Variants in AGBL4 observed in about 807,000 individuals in gnomAD.
AGBL4 encodes the protein AGBL carboxypeptidase 4.
In AGBL4, 58 loss-of-function variants were observed where a neutral mutation model predicts 66.4. That is an observed-to-expected ratio of 0.87 (90% CI 0.71 to 1.09). The LOEUF is 1.09. AGBL4 is among the 50% of genes least tolerant of loss of function. The pLI is 0.00. For synonymous variants in AGBL4, 234 were observed against 222.9 expected (o/e 1.05, Z -0.44); for missense variants, 579 against 631.0 (o/e 0.92, Z 0.88).
At position 48,959,922 on chromosome 1, in the gene AGBL4, T is replaced by C. The variant is rs142147319; in HGVS notation, c.594+85662A>G. ...AAGACTTTCATGTTGTTTGTTTGTTTGGATGAGTGAGATGAGAAGCCACTG... is the reference window on the plus strand; with the variant it reads ...AAGACTTTCATGTTGTTTGTTTGTTCGGATGAGTGAGATGAGAAGCCACTG... On this transcript the variant is annotated intron_variant, in intron 5 of 13. Transcript: ENST00000371839. Among the ~76,000 whole-genome samples, 18 of 152,292 alleles carry C rather than the reference T, an allele frequency of 1.2e-4. 1 individual carries two copies. Among genetic ancestry groups the C allele is most frequent in the Admixed American group, 9.8e-4 (15 of 15,288 alleles).
chr1:49,646,517 C>A (rs974909164), intron 3 of AGBL4, among the ~76,000 whole-genome samples: 5 of 151,804 alleles, frequency 3.3e-5, no homozygotes, highest in Non-Finnish European at 5.9e-5. Flanking sequence ...CTGCAAAACA[C>A]CTCTTGGAAA....
chr1:49,427,826 A>T (rs549485147), intron 3 of AGBL4, among the ~76,000 whole-genome samples: 1 of 152,338 alleles, frequency 6.6e-6, no homozygotes, highest in Admixed American at 6.5e-5. Flanking sequence ...GGCCCCGCCC[A>T]CATCCTGCTA....
chr1:49,483,246 A>C (rs1646993751), intron 3 of AGBL4, among the ~76,000 whole-genome samples: 1 of 152,100 alleles, frequency 6.6e-6, no homozygotes, highest in Non-Finnish European at 1.5e-5. Context: ...GCAGGGGTCT[A>C]AATCTCTTTG....
At chr1:49,296,711 A>G (rs764481606) in intron 3 of AGBL4, among the ~76,000 whole-genome samples, 1 of 152,192 alleles carries the variant, frequency 6.6e-6, no homozygotes, top group Non-Finnish European at 1.5e-5. Context: ...AATTGAATTG[A>G]GTTCTTTGGG....
chr1:48,722,679 AC>A (rs1557904347), intron 6 of AGBL4, among the ~76,000 whole-genome samples: 4 of 152,220 alleles, frequency 2.6e-5, no homozygotes, highest in Non-Finnish European at 5.9e-5. Flanking sequence ...CATTTCCCTC[AC>A]CACATACTGT....
chr1:48,850,934 G>C (rs777345897), intron 6 of AGBL4, among the ~76,000 whole-genome samples: 11 of 152,158 alleles, frequency 7.2e-5, no homozygotes, highest in Non-Finnish European at 1.3e-4. Context: ...GTGAACCATA[G>C]ACAAATCTTT....
intron 11 of AGBL4, among the ~76,000 whole-genome samples, chr1:48,546,971 G>A (rs1215532941): frequency 6.6e-6 from 1 of 151,718 alleles, no homozygotes; most frequent in Non-Finnish European, 1.5e-5. Flanking sequence ...TGCAGGCGTG[G>A]GAAGGCCTCT....
intron 3 of AGBL4, among the ~76,000 whole-genome samples, chr1:49,296,130 T>C (rs1451836778): frequency 2.0e-5 from 3 of 152,226 alleles, no homozygotes; most frequent in African/African-American, 7.2e-5. Context: ...AAAATGCCAC[T>C]TACTGCAATA....
chr1:49,557,624 TCA>T (rs1268375085), intron 3 of AGBL4, among the ~76,000 whole-genome samples: 2 of 152,110 alleles, frequency 1.3e-5, no homozygotes, highest in Admixed American at 6.5e-5. Flanking sequence ...TCCAGTGGTC[TCA>T]ACTTGAGTTC....
chr1:49,335,322 T>TTATCCAAGCTACCATTTCTCATCTG (rs2148496905), intron 3 of AGBL4, among the ~76,000 whole-genome samples: 1 of 152,306 alleles, frequency 6.6e-6, no homozygotes, highest in Non-Finnish European at 1.5e-5. Context: ...ATTATCACTC[T>TTATCCAAGCTACCATTTCTCATCTG]TATCCAAGCT....
intron 5 of AGBL4, among the ~76,000 whole-genome samples, chr1:48,900,085 C>T (rs570722769): frequency 2.0e-5 from 3 of 152,072 alleles, no homozygotes; most frequent in East Asian, 3.9e-4. Context: ...TGGAGTGCTC[C>T]AGTCAGAGAG....
chr1:49,604,468 AT>A (rs1645027055), intron 3 of AGBL4, among the ~76,000 whole-genome samples: 1 of 152,158 alleles, frequency 6.6e-6, no homozygotes, highest in African/African-American at 2.4e-5. Context: ...GATACTGGAT[AT>A]TAGTCTTTTG....
At chr1:49,950,170 A>G (rs757267919) in intron 1 of AGBL4, among the ~76,000 whole-genome samples, 39 of 146,504 alleles carry the variant, frequency 2.7e-4, no homozygotes, top group Admixed American at 6.2e-4. Context: ...ACACATATAT[A>G]TATACATATG....
intron 5 of AGBL4, among the ~76,000 whole-genome samples, chr1:49,041,406 T>C (rs1557588806): frequency 6.6e-6 from 1 of 152,246 alleles, no homozygotes; most frequent in Non-Finnish European, 1.5e-5. Context: ...AGAGCTTCCC[T>C]GATCTAGTCC....
At chr1:49,983,907 G>C (rs1659290838) in intron 1 of AGBL4, among the ~76,000 whole-genome samples, 1 of 152,138 alleles carries the variant, frequency 6.6e-6, no homozygotes, top group Admixed American at 6.5e-5. Flanking sequence ...CCTTAAAACT[G>C]AGTTCCCAGC....
At chr1:49,776,529 AG>A (rs1644202539) in intron 2 of AGBL4, among the ~76,000 whole-genome samples, 1 of 152,090 alleles carries the variant, frequency 6.6e-6, no homozygotes, top group Non-Finnish European at 1.5e-5. Context: ...CTGTTCCCTT[AG>A]GGTATTACCT....
At chr1:48,999,031 C>T (rs1661210424) in intron 5 of AGBL4, among the ~76,000 whole-genome samples, 1 of 152,140 alleles carries the variant, frequency 6.6e-6, no homozygotes, top group Admixed American at 6.5e-5. Context: ...GGAGGAACTT[C>T]CTTTTGGAGT....
At chr1:48,883,944 A>AAAGAGG (rs1235834438) in intron 5 of AGBL4, among the ~76,000 whole-genome samples, 2 of 152,344 alleles carry the variant, frequency 1.3e-5, no homozygotes, top group East Asian at 3.9e-4. Context: ...AACAAAAAAC[A>AAAGAGG]AAGAGGAAGT....
At chr1:48,620,319 G>C (rs1210107284) in intron 9 of AGBL4, among the ~76,000 whole-genome samples, 1 of 152,156 alleles carries the variant, frequency 6.6e-6, no homozygotes, top group African/African-American at 2.4e-5. Context: ...CTCCCAGGCT[G>C]AAGTTCAGTG....
Sources: gnomAD v4.1 joint callset for allele counts (sites outside exome capture counted in the v4.1 genomes callset) on GRCh38, gnomAD v4.1.1 for gene constraint, MANE v1.5 for transcripts, NCBI Gene and HGNC (gene_info 2026-07-23, HGNC 2026-07-21) for gene names.